METAP1: variants seen among roughly 807,000 people sequenced by gnomAD.
The protein encoded by METAP1 is methionine aminopeptidase 1.
Under a neutral mutation model 53.8 loss-of-function variants are expected in METAP1, and 28 were observed. The observed-to-expected ratio is 0.52, with a 90% CI of 0.39 to 0.71. The LOEUF is 0.71. Ranked by LOEUF, METAP1 falls within the 30% of genes least tolerant of loss-of-function variation. The pLI is 0.00. For synonymous variants in METAP1, 181 were observed against 165.7 expected, an observed-to-expected ratio of 1.09 and a Z score of -0.71; for missense variants, 389 against 479.8, an observed-to-expected ratio of 0.81 and a Z score of 1.77.
At position 99,062,084 on chromosome 4, in the gene METAP1, A is replaced by C. The variant is rs1244911055; in HGVS notation, c.*767A>C. ...GACTGTTGCAGGGAATGAGAATTTC[A>C]TAATACACTGCTATTTCAGACCTCT... On this transcript the variant is annotated 3_prime_UTR_variant, in exon 11 of 11. Transcript: ENST00000296411. 1.3e-5 allele frequency: 2 copies of C among 152,224 alleles called. No homozygotes were observed. The highest frequency in any genetic ancestry group is 1.3e-4 in the Admixed American group (2 of 15,284). 9.4% of individuals were successfully genotyped at this position (152,224 alleles called of 1,614,324 possible). A position where few individuals can be genotyped will look rare whatever the true frequency, so the allele number is the denominator to read the frequency against.
intron 7 of METAP1, 64 bp downstream of exon 7, chr4:99,043,451 C>T (rs1208149287): frequency 6.7e-7 from 1 of 1,495,388 alleles, no homozygotes. Context: ...GGGAATCTGA[C>T]AGTGACTTGT....
chr4:99,039,471 A>G lies in METAP1; in HGVS notation c.432+6A>G. 6.4e-7 allele frequency: 1 copy of G among 1,564,552 alleles called. No individual in the cohort carries two copies. Among genetic ancestry groups the G allele is most frequent in the Non-Finnish European group, 8.8e-7 (1 of 1,138,486 alleles). On this transcript the variant is annotated splice_donor_region_variant and intron_variant, in intron 5 of 10. Transcript: ENST00000296411. ...GGATGCGACTTGTATGTAGGGTAAGAGTGATTTTTTCTCCATGGGGTAGGA... is the reference window on the plus strand; with the variant it reads ...GGATGCGACTTGTATGTAGGGTAAGGGTGATTTTTTCTCCATGGGGTAGGA...
intron 6 of METAP1, among the ~76,000 whole-genome samples, chr4:99,042,345 A>T (rs1055402090): frequency 2.6e-5 from 4 of 152,018 alleles, no homozygotes; most frequent in Admixed American, 2.6e-4. Flanking sequence ...TGCTAGTAAA[A>T]TCATGGTATA....
chr4:99,048,643 T>TA, intron 8 of METAP1, 90 bp from the exon 9 acceptor site: 1 of 1,373,826 alleles, frequency 7.3e-7, no homozygotes. Flanking sequence ...GTGCTGGGAT[T>TA]ACAGGCATGA....
At chr4:99,038,612 T>G (rs982643894) in intron 4 of METAP1, among the ~76,000 whole-genome samples, 1 of 152,086 alleles carries the variant, frequency 6.6e-6, no homozygotes, top group South Asian at 2.1e-4. Flanking sequence ...TAAATAAGAT[T>G]AGTTGACATT....
In METAP1 at chr4:99,043,377, C is replaced by T; in HGVS notation, c.645C>T (p.Asp215=). The change falls in exon 7 of 11, where the codon GAC becomes GAT. Residue 215 remains aspartate, a synonymous_variant. Coordinates refer to ENST00000296411, the MANE Select transcript of METAP1 (RefSeq NM_015143.3). ...ACAGAAGGCCCTTACAAGAAGGTGA[C>T]ATTGTTAATGGTAAGAAAAATATGT... ...IPDRRPLQEG[D]IVNVDITLYR... is the part of the protein sequence containing the mutation. The T allele has an allele frequency of 1.9e-6, 3 of 1,595,782 alleles. No individual in the cohort carries two copies. The highest frequency in any genetic ancestry group is 2.6e-6 in the Non-Finnish European group (3 of 1,170,570).
In METAP1 at chr4:99,019,336, C is replaced by A. The variant is rs189011067; in HGVS notation, c.115-9531C>A. ...GGGACTCAAGGTGGAAAAGAAAGAG[C>A]CCCTGACTCACGTATTCTTCCTCTC... On this transcript the variant is annotated intron_variant, in intron 1 of 10. Coordinates refer to ENST00000296411, the MANE Select transcript of METAP1 (RefSeq NM_015143.3). 7.2e-5 allele frequency among the ~76,000 whole-genome samples: 11 copies of A among 152,274 alleles called. No homozygotes were observed. The East Asian group carries it at 7.7e-4, about 11-fold the overall frequency.
At chr4:99,055,390 C>CAAAAAAA (rs34092755) in intron 9 of METAP1, among the ~76,000 whole-genome samples, 1 of 122,278 alleles carries the variant, frequency 8.2e-6, no homozygotes. Flanking sequence ...GAGTCCATCT[C>CAAAAAAA]AAAAAAAAAA....
chr4:99,048,961 G>T (rs966415134), intron 9 of METAP1, 85 bp downstream of exon 9: 2 of 1,427,062 alleles, frequency 1.4e-6, no homozygotes, highest in African/African-American at 2.9e-5. Context: ...CTACTATTTT[G>T]TATTCACTAG....
chr4:99,025,061 A>G (rs931417666), intron 1 of METAP1, among the ~76,000 whole-genome samples: 2 of 152,234 alleles, frequency 1.3e-5, no homozygotes, highest in African/African-American at 4.8e-5. Flanking sequence ...CAGGAGGTGG[A>G]GCTCAGGCTC....
At chr4:99,039,705 T>C (rs1350287425) in intron 5 of METAP1, among the ~76,000 whole-genome samples, 1 of 152,062 alleles carries the variant, frequency 6.6e-6, no homozygotes, top group Non-Finnish European at 1.5e-5. Flanking sequence ...GCGATTCTTC[T>C]GCCTCAGCCT....
intron 1 of METAP1, among the ~76,000 whole-genome samples, chr4:98,996,699 A>G (rs181592561): frequency 1.7e-3 from 259 of 152,258 alleles, no homozygotes; most frequent in Non-Finnish European, 2.8e-3. Flanking sequence ...TCCAGACTGA[A>G]GCGTGTGCTC....
intron 1 of METAP1, chr4:99,026,181 C>G (rs1480926345): frequency 1.0e-6 from 1 of 955,904 alleles, no homozygotes; most frequent in Non-Finnish European, 1.2e-6. Context: ...TGAGACCTGT[C>G]TCAGATATTT....
At chr4:99,015,306 T>G (rs929212078) in intron 1 of METAP1, among the ~76,000 whole-genome samples, 2 of 152,178 alleles carry the variant, frequency 1.3e-5, no homozygotes, top group African/African-American at 2.4e-5. Flanking sequence ...AATAGAAGTT[T>G]GATTTAAAGC....
chr4:99,031,601 G>C, intron 2 of METAP1: 1 of 1,282,926 alleles, frequency 7.8e-7, no homozygotes, highest in Non-Finnish European at 1.0e-6. Flanking sequence ...TGGAATCATA[G>C]GTTTGTGTGA....
Position 99,000,802 on chromosome 4 carries a change from C to T in METAP1, c.114+4935C>T, listed in dbSNP as rs527444960. On this transcript the variant is annotated intron_variant, in intron 1 of 10. Coordinates refer to ENST00000296411, the MANE Select transcript of METAP1 (RefSeq NM_015143.3). Reference sequence around the variant, plus strand: ...CACTGCAACCTTCACCTCCCAGGCTCAAGTGATCCTCCTACCTCAGCCTCC... The same window carrying T: ...CACTGCAACCTTCACCTCCCAGGCTTAAGTGATCCTCCTACCTCAGCCTCC... Among the ~76,000 whole-genome samples the T allele has an allele frequency of 1.4e-3, 207 of 151,738 alleles. 3 individuals carry two copies. The highest frequency in any genetic ancestry group is 4.7e-3 in the African/African-American group (194 of 41,356).
At position 99,062,278 on chromosome 4, in the gene METAP1, A is replaced by G. The variant is rs1442976218; in HGVS notation, c.*961A>G. 1 of 152,278 alleles carries G rather than the reference A, an allele frequency of 6.6e-6. No homozygotes were observed. The highest frequency in any genetic ancestry group is 1.5e-5 in the Non-Finnish European group (1 of 68,064). 9.4% of individuals were successfully genotyped at this position (152,278 alleles called of 1,614,324 possible). ...GTGAACCCAGGAGGTCAAGTGGGCT[A>G]TTAAAATCTAACGTTGAGTAAATGT... On this transcript the variant is annotated 3_prime_UTR_variant, in exon 11 of 11. Transcript: ENST00000296411.
At chr4:99,007,267 G>A (rs1026974114) in intron 1 of METAP1, among the ~76,000 whole-genome samples, 1 of 152,120 alleles carries the variant, frequency 6.6e-6, no homozygotes, top group African/African-American at 2.4e-5. Flanking sequence ...GTGAAACGCT[G>A]TTGACAAGAC....
intron 4 of METAP1, among the ~76,000 whole-genome samples, chr4:99,036,806 T>C (rs955507013): frequency 4.6e-5 from 7 of 152,064 alleles, no homozygotes; most frequent in African/African-American, 9.6e-5. Context: ...ACTACTCTTA[T>C]ATTTATATCT....
Sources: allele counts gnomAD v4.1 joint callset (sites outside exome capture counted in the v4.1 genomes callset), GRCh38; gene constraint gnomAD v4.1.1; transcripts MANE v1.5; gene names NCBI Gene and HGNC (gene_info 2026-07-23, HGNC 2026-07-21).